Variants in PPIL2 observed in about 807,000 individuals in gnomAD.
PPIL2 encodes the protein RING-type E3 ubiquitin-protein ligase PPIL2.
A neutral mutation model predicts 75.2 loss-of-function variants in PPIL2; 50 were observed. That is an observed-to-expected ratio of 0.66 (90% confidence interval 0.53 to 0.84). The LOEUF (loss-of-function observed/expected upper bound fraction) is 0.84, where lower values mean the gene tolerates loss of function less well. Among genes scored for constraint, PPIL2 ranks in the 40% least tolerant of loss-of-function variants. The probability of loss-of-function intolerance (pLI) is 0.00; values close to 1 mark genes in which losing one functional copy is unlikely to be tolerated. For synonymous variants in PPIL2, 245 were observed against 258.8 expected (o/e 0.95, Z 0.51); for missense variants, 590 against 685.0 (o/e 0.86, Z 1.55).
chr22:21,681,406 G>A lies in PPIL2; in HGVS notation c.387+16G>A, dbSNP rs939897927. The A allele has an allele frequency of 1.3e-5, 21 of 1,596,136 alleles. No homozygotes were observed. The Middle Eastern group carries it at 5.0e-4, about 38-fold the overall frequency. On this transcript the variant is annotated intron_variant, in intron 7 of 19. Coordinates refer to ENST00000398831, the MANE Select transcript of PPIL2 (RefSeq NM_014337.4). Reference sequence around the variant, plus strand: ...CGCCTATGAGGTGTGTCCTCGCTCCGGGGCGTGGAGACAGCGGTGGGGAGA... The same window carrying A: ...CGCCTATGAGGTGTGTCCTCGCTCCAGGGCGTGGAGACAGCGGTGGGGAGA...
intron 15 of PPIL2, among the ~76,000 whole-genome samples, chr22:21,689,830 A>G (rs970298095): frequency 2.0e-5 from 3 of 152,160 alleles, no homozygotes; most frequent in Non-Finnish European, 4.4e-5. Flanking sequence ...GTTAGCATCT[A>G]CTATGATGAT....
intron 9 of PPIL2, among the ~76,000 whole-genome samples, chr22:21,684,472 A>G (rs1434539911): frequency 1.4e-4 from 21 of 148,288 alleles, no homozygotes; most frequent in South Asian, 8.4e-4. Context: ...AAAAAAAAAA[A>G]AAAGAAAAAA....
intron 4 of PPIL2, among the ~76,000 whole-genome samples, chr22:21,671,273 C>T (rs1300316353): frequency 6.6e-6 from 1 of 152,208 alleles, no homozygotes; most frequent in African/African-American, 2.4e-5. Flanking sequence ...TAGACCACCC[C>T]CTACCCCTCC....
rs55955951 is a variant in PPIL2, at chr22:21,694,542, G to A, written c.1197-51G>A. ...CCACGTGCCTTGGGGCTCAGCCGTGGGGGTGCCCTCCTTGAGCACACGCAG... is the reference window on the plus strand; with the variant it reads ...CCACGTGCCTTGGGGCTCAGCCGTGAGGGTGCCCTCCTTGAGCACACGCAG... On this transcript the variant is annotated intron_variant, in intron 16 of 19. Transcript: ENST00000398831. 1.5e-3 allele frequency: 2,324 copies of A among 1,602,160 alleles called. 28 individuals carry two copies. The African/African-American group carries it at 0.028, about 19-fold the overall frequency.
At chr22:21,675,181 G>C (rs374388121) in intron 6 of PPIL2, 66 bp downstream of exon 6, 412 of 1,384,098 alleles carry the variant, frequency 3.0e-4, no homozygotes, top group Non-Finnish European at 4.0e-4. Flanking sequence ...GCTCTCACCA[G>C]TTTTCATACG....
chr22:21,672,586 T>C (rs909941500), intron 5 of PPIL2, among the ~76,000 whole-genome samples: 13 of 152,326 alleles, frequency 8.5e-5, no homozygotes, highest in Non-Finnish European at 1.6e-4. Context: ...TATATGTGCA[T>C]GTCTTTTCTT....
intron 4 of PPIL2, among the ~76,000 whole-genome samples, chr22:21,671,750 T>C (rs2066641353): frequency 6.6e-6 from 1 of 152,162 alleles, no homozygotes; most frequent in Non-Finnish European, 1.5e-5. Flanking sequence ...TATTTAATTA[T>C]ACAGATGTAT....
intron 10 of PPIL2, among the ~76,000 whole-genome samples, chr22:21,686,107 C>T (rs2067348260): frequency 6.6e-6 from 1 of 152,100 alleles, no homozygotes; most frequent in Non-Finnish European, 1.5e-5. Context: ...GGCTGCAGTG[C>T]ACCAGGATCA....
rs2148545677 is a variant in PPIL2, at chr22:21,684,902, A to G, written c.703A>G (p.Lys235Glu). 4 of 1,613,978 alleles carry G rather than the reference A, an allele frequency of 2.5e-6. No individual in the cohort carries two copies. In the South Asian group the frequency reaches 3.3e-5, roughly 13 times the overall value. The change falls in exon 10 of 20, where the codon AAG becomes GAG. Residue 235 changes from lysine (K) to glutamate (E), a missense_variant. Lys to Glu is a moderately conservative substitution (Grantham distance 56). Coordinates refer to ENST00000398831, the MANE Select transcript of PPIL2 (RefSeq NM_014337.4). ...GGCCCCGGAGAAGAAGAAAGTGGAC[A>G]AGCTGAACGCTGTGAGTGGCGGAGG... ...MKAPEKKKVD[K>E]LNAAHYSTGK...
chr22:21,693,987 C>A, intron 16 of PPIL2, 115 bp downstream of exon 16: 1 of 1,142,222 alleles, frequency 8.8e-7, no homozygotes, highest in Non-Finnish European at 1.3e-6. Context: ...CCATGCTGGC[C>A]ATCACTGCTG....
chr22:21,691,894 A>C (rs1209952839), intron 15 of PPIL2, among the ~76,000 whole-genome samples: 1 of 152,162 alleles, frequency 6.6e-6, no homozygotes, highest in Non-Finnish European at 1.5e-5. Context: ...GGGTGTGGTC[A>C]GACTTGGTGG....
chr22:21,687,752 G>T lies in PPIL2; in HGVS notation c.987+20G>T, dbSNP rs766805967. On this transcript the variant is annotated intron_variant, in intron 13 of 19. Transcript: ENST00000398831. ...TTTGTGGTGAGTGACGAGAGTCACTGGCTGCACAGATGAGCTTGGTGGGAC... is the reference window on the plus strand; with the variant it reads ...TTTGTGGTGAGTGACGAGAGTCACTTGCTGCACAGATGAGCTTGGTGGGAC... 4.4e-6 allele frequency: 7 copies of T among 1,596,216 alleles called. No homozygotes were observed. Among genetic ancestry groups the T allele is most frequent in the Non-Finnish European group, 6.0e-6 (7 of 1,163,972 alleles).
intron 5 of PPIL2, among the ~76,000 whole-genome samples, chr22:21,674,509 G>A (rs2066755362): frequency 6.6e-6 from 1 of 152,152 alleles, no homozygotes; most frequent in African/African-American, 2.4e-5. Flanking sequence ...ATATGACAGA[G>A]CACTTTGGGA....
At chr22:21,670,907 C>A in intron 3 of PPIL2, 90 bp from the exon 4 acceptor site, 2 of 1,281,486 alleles carry the variant, frequency 1.6e-6, no homozygotes, top group Non-Finnish European at 1.1e-6. Context: ...CCTGGGACAG[C>A]ATTTCAGGAG....
chr22:21,682,321 T>C, intron 7 of PPIL2, 116 bp from the exon 8 acceptor site: 2 of 839,240 alleles, frequency 2.4e-6, no homozygotes, highest in South Asian at 3.0e-5. Flanking sequence ...TCTCTCTCAT[T>C]CCTCATGCCT....
At chr22:21,692,013 T>G (rs73382392) in intron 15 of PPIL2, among the ~76,000 whole-genome samples, 2,357 of 152,246 alleles carry the variant, frequency 0.015, 24 homozygotes, top group South Asian at 0.037. Context: ...TGCACCACCC[T>G]GGGGAGTGCT....
At position 21,673,146 on chromosome 22, in the gene PPIL2, T is replaced by G. The variant is rs566768260; in HGVS notation, c.243+765T>G. The stretch of plus-strand genomic sequence containing the variant: ...CCCGTGGCTTTTCTCTTTCAAATGC[T>G]TGGGTAGGGGGCTTGTGGCCTCACC... On this transcript the variant is annotated intron_variant, in intron 5 of 19. Transcript: ENST00000398831. 2.0e-5 allele frequency among the ~76,000 whole-genome samples: 3 copies of G among 152,342 alleles called. No individual in the cohort carries two copies. In the South Asian group the frequency reaches 6.2e-4, roughly 32 times the overall value.
chr22:21,687,780 CG>C, intron 13 of PPIL2, 48 bp downstream of exon 13: 2 of 1,562,954 alleles, frequency 1.3e-6, no homozygotes, highest in Non-Finnish European at 1.8e-6. Flanking sequence ...GGTGGGACAT[CG>C]GGGGCTGGGT....
chr22:21,678,314 C>G (rs1245631014), intron 6 of PPIL2, among the ~76,000 whole-genome samples: 1 of 152,108 alleles, frequency 6.6e-6, no homozygotes, highest in Non-Finnish European at 1.5e-5. Context: ...TCACTGCAAC[C>G]TCTGCCTCCT....
Sources: allele counts gnomAD v4.1 joint callset (sites outside exome capture counted in the v4.1 genomes callset), GRCh38; gene constraint gnomAD v4.1.1; transcripts MANE v1.5; gene names NCBI Gene and HGNC (gene_info 2026-07-23, HGNC 2026-07-21).